TMEM117: variants seen among roughly 807,000 people sequenced by gnomAD.
The protein encoded by TMEM117 is transmembrane protein 117.
TMEM117 carries 27 observed loss-of-function variants against 52.4 expected under a neutral mutation model. The ratio of observed to expected loss-of-function variants is 0.51; its 90% CI spans 0.38 to 0.71. The LOEUF (loss-of-function observed/expected upper bound fraction) is 0.71, where lower values mean the gene tolerates loss of function less well. Among genes scored for constraint, TMEM117 ranks in the 30% least tolerant of loss-of-function variants. TMEM117 has a pLI of 0.00. For synonymous variants in TMEM117, 215 were observed against 206.3 expected, an observed-to-expected ratio of 1.04 and a Z score of -0.36; for missense variants, 556 against 630.5, an observed-to-expected ratio of 0.88 and a Z score of 1.26.
At chr12:43,970,138 G>A (rs1167581548) in intron 3 of TMEM117, among the ~76,000 whole-genome samples, 2 of 152,062 alleles carry the variant, frequency 1.3e-5, no homozygotes, top group Non-Finnish European at 2.9e-5. Context: ...GGCAGGTCTC[G>A]GTTATCACCG....
intron 3 of TMEM117, chr12:44,008,678 C>T (rs951686399): frequency 3.6e-5 from 11 of 305,670 alleles, no homozygotes; most frequent in South Asian, 7.7e-5. Context: ...GTGTCTAAGA[C>T]GGTTCAACCA....
At chr12:43,830,599 G>A in the TMEM117 span, among the ~76,000 whole-genome samples, 4 of 135,668 alleles carry the variant, frequency 2.9e-5, no homozygotes, top group African/African-American at 1.2e-4. Context: ...AACAGAGCAA[G>A]ACACTTGTCT....
chr12:44,014,745 G>A (rs1946347994), intron 3 of TMEM117, among the ~76,000 whole-genome samples: 1 of 152,066 alleles, frequency 6.6e-6, no homozygotes, highest in African/African-American at 2.4e-5. Flanking sequence ...TCCCCTTGGT[G>A]TTGTGCTTTT....
At chr12:44,327,675 G>A (rs2138715897) in intron 6 of TMEM117, among the ~76,000 whole-genome samples, 1 of 152,150 alleles carries the variant, frequency 6.6e-6, no homozygotes, top group Non-Finnish European at 1.5e-5. Flanking sequence ...TAACTTCCAT[G>A]ACTTTTTTTT....
intron 5 of TMEM117, among the ~76,000 whole-genome samples, chr12:44,239,187 T>C (rs1950033435): frequency 6.6e-6 from 1 of 152,194 alleles, no homozygotes; most frequent in Non-Finnish European, 1.5e-5. Context: ...TTCTCAACTT[T>C]TTATTAGTCA....
rs532226166 is a variant in TMEM117 at position 43,896,986 on chromosome 12, C to T, written c.278-47224C>T. Reference sequence around the variant, plus strand: ...AAGATGAGATTCATCATATAAACTTCGAGAGAATGACTAGACCTAGTTGCC... The same window carrying T: ...AAGATGAGATTCATCATATAAACTTTGAGAGAATGACTAGACCTAGTTGCC... On this transcript the variant is annotated intron_variant, in intron 2 of 7. Coordinates refer to ENST00000266534, the MANE Select transcript of TMEM117 (RefSeq NM_032256.3). Among the ~76,000 whole-genome samples, 5 of 152,228 alleles carry T rather than the reference C, an allele frequency of 3.3e-5. No homozygotes were observed. The East Asian group carries it at 5.8e-4, about 18-fold the overall frequency.
chr12:43,820,599 T>A, the TMEM117 span, among the ~76,000 whole-genome samples: 104 of 148,128 alleles, frequency 7.0e-4, no homozygotes, highest in South Asian at 1.3e-3. Flanking sequence ...TTTTTTTTTT[T>A]ATAGAATCAA....
At chr12:44,361,656 G>A (rs1221551573) in intron 6 of TMEM117, among the ~76,000 whole-genome samples, 3 of 152,124 alleles carry the variant, frequency 2.0e-5, no homozygotes, top group Non-Finnish European at 4.4e-5. Context: ...ATAAAGAAGT[G>A]TACCTTCAAG....
chr12:44,196,962 A>G (rs902634362), intron 4 of TMEM117, among the ~76,000 whole-genome samples: 4 of 152,210 alleles, frequency 2.6e-5, no homozygotes, highest in African/African-American at 9.6e-5. Context: ...GCCTATAGTT[A>G]TCTTCCGCAC....
chr12:43,874,337 T>C (rs1056859360), intron 2 of TMEM117, among the ~76,000 whole-genome samples: 5 of 152,158 alleles, frequency 3.3e-5, no homozygotes, highest in Admixed American at 2.0e-4. Context: ...GCCCAGCACT[T>C]TGGGAGGCCA....
intron 3 of TMEM117, among the ~76,000 whole-genome samples, chr12:44,080,412 C>T (rs1947463188): frequency 6.6e-6 from 1 of 152,070 alleles, no homozygotes; most frequent in Admixed American, 6.6e-5. Flanking sequence ...AGGGTAACTG[C>T]CCCCATAATT....
At chr12:44,136,758 C>A (rs549355078) in intron 3 of TMEM117, among the ~76,000 whole-genome samples, 2 of 152,034 alleles carry the variant, frequency 1.3e-5, no homozygotes, top group Non-Finnish European at 2.9e-5. Context: ...AGTAAATTTA[C>A]AGCATGTGTT....
At chr12:44,308,981 C>G (rs560600998) in intron 6 of TMEM117, among the ~76,000 whole-genome samples, 5 of 152,198 alleles carry the variant, frequency 3.3e-5, no homozygotes, top group African/African-American at 1.2e-4. Flanking sequence ...CCTCTATGAG[C>G]TTTTTAAGTT....
In TMEM117 at chr12:43,844,941, AC is replaced by A; in HGVS notation, c.277+16del. On this transcript the variant is annotated intron_variant, in intron 2 of 7. Transcript: ENST00000266534. ...CAGCGTTTGTTTGGTAAGTACCATG[AC>A]CCATGAAATGTAATATCACTAATTA... 6.3e-7 allele frequency: 1 copy of A among 1,590,552 alleles called. No homozygotes were observed. The highest frequency in any genetic ancestry group is 8.5e-7 in the Non-Finnish European group (1 of 1,173,190).
chr12:43,898,501 C>G (rs971251629), intron 2 of TMEM117, among the ~76,000 whole-genome samples: 1 of 151,940 alleles, frequency 6.6e-6, no homozygotes, highest in Admixed American at 6.6e-5. Flanking sequence ...CCTCACATTT[C>G]TAGATCTATT....
At chr12:44,114,612 C>T (rs923224839) in intron 3 of TMEM117, among the ~76,000 whole-genome samples, 2 of 152,268 alleles carry the variant, frequency 1.3e-5, no homozygotes, top group East Asian at 3.9e-4. Context: ...AATTTATTCT[C>T]TCTGTGCTTT....
intron 6 of TMEM117, among the ~76,000 whole-genome samples, chr12:44,365,886 G>C (rs149616664): frequency 7.1e-4 from 108 of 152,030 alleles, no homozygotes; most frequent in African/African-American, 2.5e-3. Flanking sequence ...AAATGTATTG[G>C]AATATAGTTC....
intron 3 of TMEM117, among the ~76,000 whole-genome samples, chr12:43,978,331 G>A (rs1024131915): frequency 1.3e-5 from 2 of 152,170 alleles, no homozygotes; most frequent in Non-Finnish European, 2.9e-5. Flanking sequence ...CTCAAGAGTG[G>A]ACTTAATGAG....
chr12:44,351,427 T>C (rs536648963), intron 6 of TMEM117, among the ~76,000 whole-genome samples: 2 of 152,132 alleles, frequency 1.3e-5, no homozygotes, highest in South Asian at 4.1e-4. Context: ...CAAGAAAATT[T>C]TTCTCAGACC....
Sources: gnomAD v4.1 joint callset for allele counts (sites outside exome capture counted in the v4.1 genomes callset) on GRCh38, gnomAD v4.1.1 for gene constraint, MANE v1.5 for transcripts, NCBI Gene and HGNC (gene_info 2026-07-23, HGNC 2026-07-21) for gene names.